The following CNTN4 variants were observed in gnomAD, a reference collection of about 807,000 sequenced individuals.
CNTN4 encodes contactin-4.
In CNTN4, 77 loss-of-function variants were observed where a neutral mutation model predicts 122.5. The ratio of observed to expected loss-of-function variants is 0.63; its 90% confidence interval spans 0.52 to 0.76. CNTN4 has a LOEUF of 0.76. Among genes scored for constraint, CNTN4 ranks in the 30% least tolerant of loss-of-function variants. The pLI, the probability that CNTN4 is intolerant of heterozygous loss-of-function variation, is 0.00. For missense variants in CNTN4, 1,256 were observed against 1,259.1 expected (o/e 1.00, Z 0.04); for synonymous variants, 512 against 447.0 (o/e 1.15, Z -1.83).
intron 5 of CNTN4, 100 bp downstream of exon 5, chr3:2,736,441 A>ATTTATTTTAT (rs764010494): frequency 1.5e-6 from 1 of 662,540 alleles, no homozygotes; most frequent in African/African-American, 2.0e-5. Context: ...GCTTTTATTT[A>ATTTATTTTAT]TTTATTTTAT....
At chr3:2,127,584 G>C (rs985166283) in intron 2 of CNTN4, among the ~76,000 whole-genome samples, 1 of 151,988 alleles carries the variant, frequency 6.6e-6, no homozygotes, top group Admixed American at 6.6e-5. Flanking sequence ...AAAATTACAG[G>C]AGAGATAATT....
At chr3:2,169,970 A>G (rs2036396939) in intron 2 of CNTN4, among the ~76,000 whole-genome samples, 1 of 152,188 alleles carries the variant, frequency 6.6e-6, no homozygotes, top group Non-Finnish European at 1.5e-5. Context: ...TGAGTTCACT[A>G]CATGATGAGA....
At chr3:2,745,419 C>G in intron 5 of CNTN4, 103 bp from the exon 6 acceptor site, 1 of 1,001,302 alleles carries the variant, frequency 1.0e-6, no homozygotes, top group Non-Finnish European at 1.6e-6. Flanking sequence ...ACAAAAGTCA[C>G]AAATGATTTT....
chr3:2,474,227 G>GC (rs2075775463), intron 3 of CNTN4, among the ~76,000 whole-genome samples: 1 of 151,994 alleles, frequency 6.6e-6, no homozygotes, highest in Non-Finnish European at 1.5e-5. Flanking sequence ...GTAATTGTTT[G>GC]GTTTTTAGTC....
At chr3:2,175,099 T>A (rs1332755548) in intron 2 of CNTN4, among the ~76,000 whole-genome samples, 1 of 152,178 alleles carries the variant, frequency 6.6e-6, no homozygotes, top group Non-Finnish European at 1.5e-5. Context: ...ACATAAATAT[T>A]TGATCTATGG....
intron 2 of CNTN4, among the ~76,000 whole-genome samples, chr3:2,138,422 G>A (rs2034819831): frequency 6.6e-6 from 1 of 152,264 alleles, no homozygotes; most frequent in African/African-American, 2.4e-5. Context: ...AGTTTCAGAT[G>A]CTTGGCAGCT....
rs142333014 is a variant in CNTN4, at chr3:2,489,875, C to T, written c.-88-81541C>T. ...GAATGCTGGGGAGAGCCCAGCCTAT[C>T]TTGCCTATTTGACCTTTACTCTGAA... is the stretch of plus-strand genomic sequence containing the variant. On this transcript the variant is annotated intron_variant, in intron 3 of 24. Transcript: ENST00000418658. Among the ~76,000 whole-genome samples, 238 of 152,258 alleles carry T rather than the reference C, an allele frequency of 1.6e-3. 1 individual carries two copies. Among genetic ancestry groups the T allele is most frequent in the African/African-American group, 5.6e-3 (231 of 41,548 alleles).
At chr3:2,192,182 G>A (rs538770632) in intron 2 of CNTN4, among the ~76,000 whole-genome samples, 144 of 152,172 alleles carry the variant, frequency 9.5e-4, no homozygotes, top group Admixed American at 1.8e-3. Flanking sequence ...TAGTGCCACA[G>A]TAAACATACG....
chr3:2,470,951 T>C (rs1451654338), intron 3 of CNTN4, among the ~76,000 whole-genome samples: 2 of 152,208 alleles, frequency 1.3e-5, no homozygotes, highest in Non-Finnish European at 2.9e-5. Flanking sequence ...TAAGATGCTG[T>C]CACATTTCCA....
In CNTN4 at chr3:2,523,016, A is replaced by C. The variant is rs893818830; in HGVS notation, c.-88-48400A>C. Among the ~76,000 whole-genome samples the C allele has an allele frequency of 3.3e-5, 5 of 152,240 alleles. No homozygotes were observed. The South Asian group carries it at 1.0e-3, about 32-fold the overall frequency. On this transcript the variant is annotated intron_variant, in intron 3 of 24. Coordinates refer to ENST00000418658, the MANE Select transcript of CNTN4 (RefSeq NM_175607.3). ...TTTCTGTCCTAAATTGATCTGGTAC[A>C]TCTTTGCCTGACATCTGAGTCTTGT...
intron 4 of CNTN4, among the ~76,000 whole-genome samples, chr3:2,651,068 TTGAG>T (rs2083335937): frequency 6.6e-6 from 1 of 152,218 alleles, no homozygotes; most frequent in Non-Finnish European, 1.5e-5. Flanking sequence ...CTAGCAGACA[TTGAG>T]TGAACAAGTT....
chr3:2,907,442 G>A (rs559714608), intron 12 of CNTN4, among the ~76,000 whole-genome samples: 2 of 152,148 alleles, frequency 1.3e-5, no homozygotes, highest in East Asian at 3.9e-4. Flanking sequence ...ACATGGTGGT[G>A]CATGCTTGTC....
At chr3:2,597,492 C>G (rs752500993) in intron 4 of CNTN4, among the ~76,000 whole-genome samples, 10 of 152,142 alleles carry the variant, frequency 6.6e-5, no homozygotes, top group Non-Finnish European at 1.0e-4. Flanking sequence ...ACATAAGGCT[C>G]CTGAGTCGTA....
At chr3:2,225,612 C>G (rs539445895) in intron 2 of CNTN4, among the ~76,000 whole-genome samples, 5 of 152,320 alleles carry the variant, frequency 3.3e-5, no homozygotes, top group African/African-American at 1.2e-4. Context: ...AATACTATCT[C>G]ACGACTTTTC....
chr3:2,295,054 C>G (rs887298927), intron 2 of CNTN4, among the ~76,000 whole-genome samples: 5 of 151,760 alleles, frequency 3.3e-5, no homozygotes, highest in Non-Finnish European at 7.4e-5. Context: ...ATATGTGCCA[C>G]ATTTTCTTAA....
At chr3:2,387,770 A>G (rs1250789468) in intron 3 of CNTN4, among the ~76,000 whole-genome samples, 1 of 152,186 alleles carries the variant, frequency 6.6e-6, no homozygotes, top group Admixed American at 6.5e-5. Context: ...TTTAAGGGAT[A>G]CACTTCCATT....
chr3:2,872,801 G>T (rs2093801553), intron 8 of CNTN4, among the ~76,000 whole-genome samples: 1 of 151,846 alleles, frequency 6.6e-6, no homozygotes, highest in Non-Finnish European at 1.5e-5. Flanking sequence ...TGTCTTTGGG[G>T]GTTCAAATGT....
At chr3:2,143,233 A>T (rs1047629224) in intron 2 of CNTN4, among the ~76,000 whole-genome samples, 1 of 152,198 alleles carries the variant, frequency 6.6e-6, no homozygotes, top group Non-Finnish European at 1.5e-5. Flanking sequence ...AGATCAATTA[A>T]TAAAATAGTT....
At chr3:2,993,696 A>T (rs1271795092) in intron 14 of CNTN4, among the ~76,000 whole-genome samples, 1 of 152,178 alleles carries the variant, frequency 6.6e-6, no homozygotes, top group African/African-American at 2.4e-5. Context: ...CAGAAAAGAA[A>T]AATACTTATC....
Sources: allele counts gnomAD v4.1 joint callset (sites outside exome capture counted in the v4.1 genomes callset), GRCh38; gene constraint gnomAD v4.1.1; transcripts MANE v1.5; gene names NCBI Gene and HGNC (gene_info 2026-07-23, HGNC 2026-07-21).